PDLIM2: variants seen among roughly 807,000 people sequenced by gnomAD.
PDLIM2 encodes PDZ and LIM domain 2, also known as PDZ and LIM domain protein 2.
A neutral mutation model predicts 54.1 loss-of-function variants in PDLIM2; 51 were observed. The observed-to-expected ratio is 0.94, with a 90% CI of 0.75 to 1.19. The LOEUF is 1.19. PDLIM2 is among the 50% of genes most tolerant of loss of function. The pLI, the probability that PDLIM2 is intolerant of heterozygous loss-of-function variation, is 0.00. For missense variants in PDLIM2, 912 were observed against 874.0 expected (o/e 1.04, Z -0.55); for synonymous variants, 398 against 385.6 (o/e 1.03, Z -0.38).
rs899408085 is a variant in PDLIM2 at position 22,578,881 on chromosome 8, C to T, written c.102C>T (p.Cys34=). The T allele has an allele frequency of 2.4e-6, 3 of 1,237,878 alleles. No individual in the cohort carries two copies. The Admixed American group carries it at 1.3e-4, about 52-fold the overall frequency. The allele number at this position is 1,237,878 out of a possible 1,614,324, so 76.7% of individuals were successfully genotyped here. A position where few individuals can be genotyped will look rare whatever the true frequency, so the allele number is the denominator to read the frequency against. Residue 34 remains cysteine (C), a synonymous_variant, in exon 1 of 10, where the codon TGC becomes TGT. Transcript: ENST00000308354. ...CGGGGCAGTCCCTGGACCGGCTCTG[C>T]TGTGCTCCGGGCAGTCGGGGGCTTG...
downstream of PDLIM2, chr8:22,594,709 T>C: frequency 6.4e-6 from 10 of 1,558,604 alleles, no homozygotes; most frequent in South Asian, 1.2e-5. Flanking sequence ...GGGGCCAGGT[T>C]GATCTACCGA....
downstream of PDLIM2, chr8:22,594,646 G>A (rs1800643662): frequency 6.2e-7 from 1 of 1,612,630 alleles, no homozygotes; most frequent in African/African-American, 1.3e-5. Flanking sequence ...AGCCAAGCTG[G>A]TGAGACAACC....
downstream of PDLIM2, chr8:22,594,638 C>T (rs151305464): frequency 8.1e-6 from 13 of 1,613,088 alleles, no homozygotes; most frequent in African/African-American, 1.5e-4. Flanking sequence ...ACCCATCCAG[C>T]CAAGCTGGTG....
At chr8:22,595,083 C>T, downstream of PDLIM2, 1 of 157,312 alleles carries the variant, frequency 6.4e-6, no homozygotes, top group Non-Finnish European at 1.4e-5. Flanking sequence ...CCAGAGGATG[C>T]TGCGGAGGGG....
intron 3 of PDLIM2, among the ~76,000 whole-genome samples, chr8:22,582,329 A>G (rs2117339639): frequency 6.6e-6 from 1 of 152,188 alleles, no homozygotes; most frequent in South Asian, 2.1e-4. Context: ...GGCTCCCTTC[A>G]TGTCATTCAG....
exon 10 of PDLIM2, chr8:22,593,919 T>C: frequency 6.5e-7 from 1 of 1,547,770 alleles, no homozygotes; most frequent in Non-Finnish European, 8.7e-7. Context: ...GAGCCCGCCA[T>C]GCCCTCAGCC....
chr8:22,592,642 G>A (rs1273236072), intron 9 of PDLIM2: 2 of 152,240 alleles, frequency 1.3e-5, no homozygotes, highest in African/African-American at 4.8e-5. Context: ...TCAAAGGTGT[G>A]TGTGTCGGGT....
At chr8:22,589,455 G>A (rs781597005) in intron 7 of PDLIM2, 81 bp downstream of exon 6, 7 of 1,530,922 alleles carry the variant, frequency 4.6e-6, no homozygotes, top group South Asian at 2.4e-5. Context: ...CCCCGAGAGG[G>A]ATGGGGTCCC....
In PDLIM2 at chr8:22,591,891, C is replaced by T. The variant is rs574468935; in HGVS notation, c.1631+223C>T. ...TCCGGCTGCATCTCCTCTCCCTCTC[C>T]TCCTTTTCCCATCCCTTTTGATTTC... On this transcript the variant is annotated intron_variant, in intron 9 of 9. Transcript: ENST00000308354. 43 of 470,622 alleles carry T rather than the reference C, an allele frequency of 9.1e-5. No homozygotes were observed. The South Asian group carries it at 1.5e-3, about 16-fold the overall frequency. 29.2% of individuals were successfully genotyped at this position (470,622 alleles called of 1,614,324 possible). A position where few individuals can be genotyped will look rare whatever the true frequency, so the allele number is the denominator to read the frequency against.
intron 6 of PDLIM2, among the ~76,000 whole-genome samples, chr8:22,586,394 G>A (rs1209439356): frequency 6.6e-6 from 1 of 152,190 alleles, no homozygotes; most frequent in African/African-American, 2.4e-5. Flanking sequence ...AACAATTTTG[G>A]AGCAATTAGG....
chr8:22,591,660 C>A, exon 9 of PDLIM2: 1 of 1,610,812 alleles, frequency 6.2e-7, no homozygotes. Context: ...AGTGCAGTAC[C>A]AGCATCGCGT....
Position 22,589,588 on chromosome 8 carries a change from C to T in PDLIM2, c.1368-8C>T. 3 of 1,600,456 alleles carry T rather than the reference C, an allele frequency of 1.9e-6. No homozygotes were observed. The highest frequency in any genetic ancestry group is 2.6e-6 in the Non-Finnish European group (3 of 1,174,042). On this transcript the variant is annotated splice_region_variant and splice_polypyrimidine_tract_variant and intron_variant, in intron 7 of 9. Transcript: ENST00000308354. ...GACCCTCATTCCTGGCTGCCTCCCA[C>T]CCTGCAGCATGGACTCGGAAGGGGG...
chr8:22,594,953 A>T (rs1800654744), downstream of PDLIM2: 1 of 260,846 alleles, frequency 3.8e-6, no homozygotes, highest in South Asian at 5.0e-5. Context: ...AAATGAATGC[A>T]TGTGGCCAGT....
exon 8 of PDLIM2, chr8:22,589,675 C>A: frequency 6.3e-7 from 1 of 1,577,802 alleles, no homozygotes; most frequent in South Asian, 1.2e-5. Flanking sequence ...TCGCGAGGGA[C>A]GGGCGGCCCC....
At chr8:22,583,623 G>A (rs1040375135) in intron 3 of PDLIM2, among the ~76,000 whole-genome samples, 20 of 151,782 alleles carry the variant, frequency 1.3e-4, no homozygotes, top group African/African-American at 3.9e-4. Context: ...AAAATTAGCC[G>A]GGCATGCTAG....
At position 22,594,264 on chromosome 8, in the gene PDLIM2, T is replaced by G; in HGVS notation, c.*354T>G. On this transcript the variant is annotated 3_prime_UTR_variant, in exon 10 of 10. Transcript: ENST00000308354. ...TCACTGTGTAAAGTTTTTGACATAC[T>G]AGCTCTATAAATATATGAATATGGA... 5 of 1,393,828 alleles carry G rather than the reference T, an allele frequency of 3.6e-6. No homozygotes were observed. In the South Asian group the frequency reaches 7.8e-5, roughly 22 times the overall value. 86.3% of individuals were successfully genotyped at this position (1,393,828 alleles called of 1,614,324 possible).
chr8:22,579,055 T>C, exon 1 of PDLIM2: 4 of 1,248,826 alleles, frequency 3.2e-6, no homozygotes, highest in Non-Finnish European at 4.0e-6. Flanking sequence ...CTTCTCGGGC[T>C]AGGGGCGGCG....
exon 1 of PDLIM2, chr8:22,579,298 G>C: frequency 7.2e-7 from 1 of 1,386,678 alleles, no homozygotes; most frequent in Non-Finnish European, 9.3e-7. Flanking sequence ...CGCCCCTGTC[G>C]GCGCGGAACC....
exon 1 of PDLIM2, chr8:22,578,765 GCC>G: frequency 8.1e-7 from 1 of 1,233,832 alleles, no homozygotes; most frequent in Non-Finnish European, 1.0e-6. Context: ...AGCCCACCCT[GCC>G]CAGGACCTGG....
Sources: gnomAD v4.1 joint callset for allele counts (sites outside exome capture counted in the v4.1 genomes callset) on GRCh38, gnomAD v4.1.1 for gene constraint, MANE v1.5 for transcripts, NCBI Gene and HGNC (gene_info 2026-07-23, HGNC 2026-07-21) for gene names.